The following TRABD2B variants were observed in gnomAD, a reference collection of about 807,000 sequenced individuals.
TRABD2B encodes metalloprotease TIKI2.
In TRABD2B, 14 loss-of-function variants were observed where a neutral mutation model predicts 40.1. That is an observed-to-expected ratio of 0.35 (90% confidence interval 0.23 to 0.55). The LOEUF (loss-of-function observed/expected upper bound fraction) is 0.55. Ranked by LOEUF, TRABD2B falls within the 20% of genes least tolerant of loss-of-function variation. The pLI is 0.90. For missense variants in TRABD2B, 541 were observed against 648.6 expected, an observed-to-expected ratio of 0.83 and a Z score of 1.80; for synonymous variants, 263 against 277.0, an observed-to-expected ratio of 0.95 and a Z score of 0.50.
Position 47,890,537 on chromosome 1 carries a change from G to A in TRABD2B, c.667-88918C>T, listed in dbSNP as rs567010510. Among the ~76,000 whole-genome samples, 140 of 152,288 alleles carry A rather than the reference G, an allele frequency of 9.2e-4. 2 individuals are homozygous for A. The highest frequency in any genetic ancestry group is 3.3e-3 in the African/African-American group (136 of 41,568). ...CAGTGTTCTACAGGGTGACCAGGCA[G>A]TGAAAGAGCATTTCTTCAGCTTCCT... is the stretch of plus-strand genomic sequence containing the variant. On this transcript the variant is annotated intron_variant, in intron 2 of 6. Coordinates refer to ENST00000606738, the MANE Select transcript of TRABD2B (RefSeq NM_001194986.2).
intron 2 of TRABD2B, 57 bp downstream of exon 2, chr1:47,993,977 G>A (rs1291628991): frequency 6.4e-5 from 94 of 1,459,026 alleles, no homozygotes; most frequent in Non-Finnish European, 8.4e-5. Flanking sequence ...GACAATCAGA[G>A]AAGAGGACCC....
chr1:47,871,069 C>G (rs12033901), intron 2 of TRABD2B, among the ~76,000 whole-genome samples: 1 of 152,124 alleles, frequency 6.6e-6, no homozygotes, highest in Admixed American at 6.5e-5. Flanking sequence ...CCAGACTATT[C>G]TAAGTGCTTT....
At position 47,764,474 on chromosome 1, in the gene TRABD2B, T is replaced by A. The variant is rs34205788; in HGVS notation, c.*1428A>T. 20,861 of 151,982 alleles carry A rather than the reference T, an allele frequency of 0.14. 2,174 individuals are homozygous for A. Among genetic ancestry groups the A allele is most frequent in the East Asian group, 0.53 (2,736 of 5,132 alleles). The allele number at this position is 151,982 out of a possible 1,614,324, so 9.4% of individuals were successfully genotyped here. ...GCCGAGGGGCTAAAGTCTCTCGGAG[T>A]CCCTGTCACCTGCCTCCCCACTTGG... On this transcript the variant is annotated 3_prime_UTR_variant, in exon 7 of 7. Transcript: ENST00000606738.
At chr1:47,807,564 A>C (rs1212028007) in intron 2 of TRABD2B, among the ~76,000 whole-genome samples, 2 of 152,200 alleles carry the variant, frequency 1.3e-5, no homozygotes, top group African/African-American at 2.4e-5. Flanking sequence ...TAACGTGACC[A>C]GTGACAGAGA....
At chr1:47,791,308 A>T (rs1317162166) in intron 4 of TRABD2B, among the ~76,000 whole-genome samples, 2 of 152,184 alleles carry the variant, frequency 1.3e-5, no homozygotes, top group African/African-American at 2.4e-5. Context: ...ATGACAGAAG[A>T]GCCCCCAGCA....
intron 4 of TRABD2B, among the ~76,000 whole-genome samples, chr1:47,781,268 C>G (rs1351530093): frequency 6.6e-6 from 1 of 152,218 alleles, no homozygotes; most frequent in Admixed American, 6.5e-5. Flanking sequence ...GCCTCCCAGC[C>G]CAACAGCGGT....
intron 4 of TRABD2B, among the ~76,000 whole-genome samples, chr1:47,783,500 A>G (rs1644553968): frequency 1.3e-5 from 2 of 152,192 alleles, no homozygotes; most frequent in South Asian, 2.1e-4. Context: ...TCAGATGCAG[A>G]TGTAAGAGAA....
intron 2 of TRABD2B, among the ~76,000 whole-genome samples, chr1:47,884,719 G>A (rs1644348861): frequency 6.6e-6 from 1 of 152,046 alleles, no homozygotes. Context: ...AGGTTCAAGC[G>A]ATTCTCCAGC....
At chr1:47,794,565 C>G (rs779745853) in intron 4 of TRABD2B, 21 bp downstream of exon 4, 3 of 1,502,866 alleles carry the variant, frequency 2.0e-6, no homozygotes, top group Non-Finnish European at 2.7e-6. Context: ...CAAACAATCC[C>G]TTCCCCACAC....
At chr1:47,922,514 G>A (rs976476829) in intron 2 of TRABD2B, among the ~76,000 whole-genome samples, 10 of 152,208 alleles carry the variant, frequency 6.6e-5, no homozygotes, top group Admixed American at 1.3e-4. Context: ...AAGATGCCAG[G>A]GGTGGAGTTG....
intron 2 of TRABD2B, among the ~76,000 whole-genome samples, chr1:47,968,237 A>G (rs555294050): frequency 1.3e-5 from 2 of 152,324 alleles, no homozygotes; most frequent in African/African-American, 4.8e-5. Context: ...TGCGTTCATG[A>G]CCCAGATGCA....
intron 4 of TRABD2B, among the ~76,000 whole-genome samples, chr1:47,787,335 G>T (rs956426652): frequency 2.6e-5 from 4 of 152,322 alleles, no homozygotes; most frequent in African/African-American, 9.6e-5. Context: ...GGGGACCTTG[G>T]ACCTAGCTCT....
At chr1:47,821,784 T>C (rs1295716836) in intron 2 of TRABD2B, among the ~76,000 whole-genome samples, 1 of 152,142 alleles carries the variant, frequency 6.6e-6, no homozygotes, top group Non-Finnish European at 1.5e-5. Flanking sequence ...TTCTCCAGCA[T>C]GGATTCCAGG....
At chr1:47,953,953 C>T (rs928201216) in intron 2 of TRABD2B, among the ~76,000 whole-genome samples, 2 of 152,072 alleles carry the variant, frequency 1.3e-5, no homozygotes, top group Non-Finnish European at 2.9e-5. Context: ...TCTGAGTGGC[C>T]GACTCTTTTT....
intron 2 of TRABD2B, among the ~76,000 whole-genome samples, chr1:47,969,188 C>T (rs534526460): frequency 3.3e-5 from 5 of 152,306 alleles, no homozygotes; most frequent in African/African-American, 1.2e-4. Context: ...GTTTTGTTTG[C>T]TTGCTTGTTT....
In TRABD2B at chr1:47,852,977, G is replaced by A. The variant is rs986747610; in HGVS notation, c.667-51358C>T. Among the ~76,000 whole-genome samples, 7 of 151,926 alleles carry A rather than the reference G, an allele frequency of 4.6e-5. No homozygotes were observed. The East Asian group carries it at 9.7e-4, about 21-fold the overall frequency. On this transcript the variant is annotated intron_variant, in intron 2 of 6. Coordinates refer to ENST00000606738, the MANE Select transcript of TRABD2B (RefSeq NM_001194986.2). ...TTGGGTTTAAGAGTTTCACTTCCACGGCTCCCCAAAGGCAGCCAGGGCTGG... is the reference window on the plus strand; with the variant it reads ...TTGGGTTTAAGAGTTTCACTTCCACAGCTCCCCAAAGGCAGCCAGGGCTGG...
At chr1:47,955,817 C>T (rs1019250140) in intron 2 of TRABD2B, among the ~76,000 whole-genome samples, 2 of 152,168 alleles carry the variant, frequency 1.3e-5, no homozygotes, top group Admixed American at 6.5e-5. Context: ...GCCAAGCCTG[C>T]CAGGCCAGGA....
intron 2 of TRABD2B, among the ~76,000 whole-genome samples, chr1:47,886,939 AAC>A (rs1414453461): frequency 6.6e-6 from 1 of 152,044 alleles, no homozygotes; most frequent in Non-Finnish European, 1.5e-5. Context: ...ACACTTGGTA[AAC>A]AGTTTTGAGA....
chr1:47,861,952 G>A (rs1316831970), intron 2 of TRABD2B, among the ~76,000 whole-genome samples: 1 of 152,142 alleles, frequency 6.6e-6, no homozygotes, highest in Non-Finnish European at 1.5e-5. Flanking sequence ...TGCAAAGCTG[G>A]TTCAATATTA....
Sources: gnomAD v4.1 joint callset for allele counts (sites outside exome capture counted in the v4.1 genomes callset) on GRCh38, gnomAD v4.1.1 for gene constraint, MANE v1.5 for transcripts, NCBI Gene and HGNC (gene_info 2026-07-23, HGNC 2026-07-21) for gene names.